RASAL2: variants seen among roughly 807,000 people sequenced by gnomAD.
RASAL2 encodes ras GTPase-activating protein nGAP.
In RASAL2, 58 loss-of-function variants were observed where a neutral mutation model predicts 128.9. The ratio of observed to expected loss-of-function variants is 0.45; its 90% CI spans 0.36 to 0.56. The LOEUF is 0.56. Among genes scored for constraint, RASAL2 ranks in the 20% least tolerant of loss-of-function variants. The probability of loss-of-function intolerance (pLI) is 0.00; values close to 1 mark genes in which losing one functional copy is unlikely to be tolerated. For synonymous variants in RASAL2, 561 were observed against 580.8 expected, an observed-to-expected ratio of 0.97 and a Z score of 0.49; for missense variants, 1,360 against 1,601.6, an observed-to-expected ratio of 0.85 and a Z score of 2.57.
At position 178,442,331 on chromosome 1, in the gene RASAL2, A is replaced by G. The variant is rs28451699; in HGVS notation, c.928-344A>G. On this transcript the variant is annotated intron_variant, in intron 7 of 17. Transcript: ENST00000367649. ...GTCAGAAGCTAGTACATGATAGAAG[A>G]GGGACTAGAATACGAGCTTCTTAAC... Among the ~76,000 whole-genome samples, 12 of 152,274 alleles carry G rather than the reference A, an allele frequency of 7.9e-5. 1 individual carries two copies. The highest frequency in any genetic ancestry group is 2.9e-4 in the African/African-American group (12 of 41,556).
chr1:178,368,636 CTTTT>C (rs34791324), intron 3 of RASAL2, among the ~76,000 whole-genome samples: 3 of 146,270 alleles, frequency 2.1e-5, no homozygotes, highest in Non-Finnish European at 3.0e-5. Flanking sequence ...TTCTTTCTTT[CTTTT>C]TTTTTTTTCT....
intron 3 of RASAL2, among the ~76,000 whole-genome samples, chr1:178,349,203 C>A (rs1258673733): frequency 1.3e-5 from 2 of 148,416 alleles, no homozygotes; most frequent in Non-Finnish European, 3.0e-5. Flanking sequence ...GGCAGATCAC[C>A]AGGTCAGGAG....
intron 1 of RASAL2, among the ~76,000 whole-genome samples, chr1:178,164,488 TGTGTGTGTGTGTGTGTGC>T (rs1027965981): frequency 4.9e-5 from 7 of 144,218 alleles, no homozygotes; most frequent in Non-Finnish European, 1.1e-4. Context: ...CATTTGTGTG[TGTGTGTGTGTGTGTGTGC>T]GTGTGTGTGT....
intron 1 of RASAL2, among the ~76,000 whole-genome samples, chr1:178,173,024 TG>T (rs1571582380): frequency 6.6e-6 from 1 of 152,138 alleles, no homozygotes; most frequent in East Asian, 1.9e-4. Flanking sequence ...TAATTATAAA[TG>T]GATTTTCACC....
chr1:178,162,832 C>T (rs1661380720), intron 1 of RASAL2, among the ~76,000 whole-genome samples: 2 of 151,110 alleles, frequency 1.3e-5, no homozygotes. Flanking sequence ...AGGTGATCCA[C>T]CTGCCTCAGC....
intron 3 of RASAL2, among the ~76,000 whole-genome samples, chr1:178,368,466 G>A (rs566084314): frequency 6.6e-6 from 1 of 151,960 alleles, no homozygotes; most frequent in African/African-American, 2.4e-5. Context: ...CCTCAAATAG[G>A]AACTCTGTAA....
Position 178,445,665 on chromosome 1 carries a change from A to C in RASAL2, c.1627+3A>C. The stretch of plus-strand genomic sequence containing the variant: ...ACAGTATCTTCATGACGCACTGGGT[A>C]TGAAAGAGAAAAACATCTATTTTCT... On this transcript the variant is annotated splice_donor_region_variant and intron_variant, in intron 9 of 17. Transcript: ENST00000367649. 6.3e-7 allele frequency: 1 copy of C among 1,599,118 alleles called. No homozygotes were observed. The highest frequency in any genetic ancestry group is 8.5e-7 in the Non-Finnish European group (1 of 1,173,968).
chr1:178,145,554 C>CAAA (rs10645696), intron 1 of RASAL2, among the ~76,000 whole-genome samples: 9,789 of 123,798 alleles, frequency 0.079, 867 homozygotes, highest in African/African-American at 0.18. Flanking sequence ...GTGACTTTGA[C>CAAA]AAAAAAAAAA....
intron 4 of RASAL2, among the ~76,000 whole-genome samples, chr1:178,408,236 A>G (rs1487519597): frequency 6.6e-6 from 1 of 152,186 alleles, no homozygotes; most frequent in African/African-American, 2.4e-5. Flanking sequence ...GTATGCTTTC[A>G]GATTAGGTTG....
intron 1 of RASAL2, among the ~76,000 whole-genome samples, chr1:178,154,027 C>T (rs935969942): frequency 7.3e-5 from 11 of 151,670 alleles, no homozygotes; most frequent in Non-Finnish European, 1.3e-4. Context: ...TTAGAGACAG[C>T]GTTTCACCAT....
chr1:178,257,776 G>A (rs1665444693), intron 1 of RASAL2, among the ~76,000 whole-genome samples: 1 of 151,394 alleles, frequency 6.6e-6, no homozygotes, highest in Non-Finnish European at 1.5e-5. Flanking sequence ...CGTGAGTTGA[G>A]GCTGCAATGA....
intron 1 of RASAL2, among the ~76,000 whole-genome samples, chr1:178,213,712 G>A (rs180842867): frequency 5.9e-5 from 9 of 151,602 alleles, no homozygotes; most frequent in Admixed American, 1.3e-4. Context: ...CTGTATGACA[G>A]AAGTGAAAAT....
chr1:178,229,071 T>C (rs914432664), intron 1 of RASAL2, among the ~76,000 whole-genome samples: 4 of 152,196 alleles, frequency 2.6e-5, no homozygotes, highest in Admixed American at 2.6e-4. Flanking sequence ...TGTGTACAGT[T>C]TGCCCCATTT....
intron 3 of RASAL2, among the ~76,000 whole-genome samples, chr1:178,336,775 G>T (rs1356361305): frequency 6.6e-6 from 1 of 152,058 alleles, no homozygotes; most frequent in African/African-American, 2.4e-5. Flanking sequence ...TTCAGAGATA[G>T]TACCCAGTAA....
At chr1:178,119,398 G>A (rs560056102) in intron 1 of RASAL2, among the ~76,000 whole-genome samples, 2 of 152,288 alleles carry the variant, frequency 1.3e-5, no homozygotes, top group East Asian at 1.9e-4. Context: ...GTACTTTAAC[G>A]TGGTTGATAA....
intron 1 of RASAL2, among the ~76,000 whole-genome samples, chr1:178,164,865 G>GTA (rs1475899311): frequency 1.4e-5 from 2 of 144,940 alleles, no homozygotes; most frequent in Admixed American, 6.9e-5. Context: ...GTGTGTGTGT[G>GTA]TATACAGTGG....
chr1:178,318,770 A>G (rs903295174), intron 3 of RASAL2, among the ~76,000 whole-genome samples: 2 of 152,080 alleles, frequency 1.3e-5, no homozygotes, highest in South Asian at 2.1e-4. Context: ...GTGTCTTTTA[A>G]TTGGAGCATT....
chr1:178,437,886 TTTG>T (rs1396146017), intron 5 of RASAL2, among the ~76,000 whole-genome samples: 1 of 152,076 alleles, frequency 6.6e-6, no homozygotes, highest in Non-Finnish European at 1.5e-5. Flanking sequence ...ATTTTTCTTT[TTTG>T]TTTTTTTAAT....
At chr1:178,196,592 T>C (rs766501726) in intron 1 of RASAL2, among the ~76,000 whole-genome samples, 1 of 152,192 alleles carries the variant, frequency 6.6e-6, no homozygotes, top group Non-Finnish European at 1.5e-5. Flanking sequence ...AGCGTTGTAT[T>C]AGGTACTATA....
Sources: allele counts gnomAD v4.1 joint callset (sites outside exome capture counted in the v4.1 genomes callset), GRCh38; gene constraint gnomAD v4.1.1; transcripts MANE v1.5; gene names NCBI Gene and HGNC (gene_info 2026-07-23, HGNC 2026-07-21).